NTRK2: variants seen among roughly 807,000 people sequenced by gnomAD.
NTRK2 encodes the protein BDNF/NT-3 growth factors receptor.
NTRK2 carries 13 observed loss-of-function variants against 94.5 expected under a neutral mutation model. The ratio of observed to expected loss-of-function variants is 0.14; its 90% CI spans 0.09 to 0.22. NTRK2 has a LOEUF of 0.22. Among genes scored for constraint, NTRK2 ranks in the 10% least tolerant of loss-of-function variants. The probability of loss-of-function intolerance (pLI) is 1.00; values close to 1 mark genes in which losing one functional copy is unlikely to be tolerated. For synonymous variants in NTRK2, 372 were observed against 407.4 expected, an observed-to-expected ratio of 0.91 and a Z score of 1.05; for missense variants, 639 against 1,071.2, an observed-to-expected ratio of 0.60 and a Z score of 5.63.
At chr9:84,989,935 C>T (rs1156878565) in intron 17 of NTRK2, among the ~76,000 whole-genome samples, 1 of 152,194 alleles carries the variant, frequency 6.6e-6, no homozygotes, top group South Asian at 2.1e-4. Context: ...ACAATTTTAG[C>T]ACATAAAGTT....
At chr9:84,958,593 G>A (rs1460422929) in intron 17 of NTRK2, among the ~76,000 whole-genome samples, 2 of 152,164 alleles carry the variant, frequency 1.3e-5, no homozygotes, top group South Asian at 2.1e-4. Flanking sequence ...CAGTTGTAGG[G>A]TTAGTTTTTG....
At chr9:84,812,492 C>T (rs1341590668) in intron 12 of NTRK2, 37 of 1,048,312 alleles carry the variant, frequency 3.5e-5, no homozygotes, top group South Asian at 4.6e-5. Flanking sequence ...TTCTTGTTCG[C>T]GGCTAAATGA....
At chr9:84,748,947 T>C (rs2064338346) in intron 11 of NTRK2, among the ~76,000 whole-genome samples, 1 of 152,138 alleles carries the variant, frequency 6.6e-6, no homozygotes, top group Admixed American at 6.5e-5. Flanking sequence ...GTTAGATCTG[T>C]ATTGGCTGGG....
chr9:84,872,105 C>G, intron 14 of NTRK2: 2 of 1,322,802 alleles, frequency 1.5e-6, no homozygotes, highest in Non-Finnish European at 1.9e-6. Flanking sequence ...TCAGCAACAT[C>G]AAGTCTGGAG....
Position 84,979,075 on chromosome 9 carries a change from TC to T in NTRK2, c.2172+23559del, listed in dbSNP as rs1286011531. On this transcript the variant is annotated intron_variant, in intron 17 of 18. Transcript: ENST00000277120. ...ATGTACAAGGAGATTCATGTTATTT[TC>T]ATGCCTGCTAACACAACATCCATTC... Among the ~76,000 whole-genome samples the T allele has an allele frequency of 5.9e-5, 9 of 152,226 alleles. No individual in the cohort carries two copies. The South Asian group carries it at 1.9e-3, about 32-fold the overall frequency.
At chr9:84,712,715 A>G (rs929464635) in intron 6 of NTRK2, among the ~76,000 whole-genome samples, 1 of 152,192 alleles carries the variant, frequency 6.6e-6, no homozygotes, top group Non-Finnish European at 1.5e-5. Context: ...TCTTGTTGCA[A>G]AAGTAATTTC....
chr9:84,939,051 CAAAAAA>C (rs138558531), intron 15 of NTRK2, among the ~76,000 whole-genome samples: 4 of 68,438 alleles, frequency 5.8e-5, no homozygotes, highest in Middle Eastern at 0.013. Flanking sequence ...GACCCCAACT[CAAAAAA>C]AAAAAAAAAA....
intron 12 of NTRK2, among the ~76,000 whole-genome samples, chr9:84,763,959 CTG>C (rs777135629): frequency 7.9e-5 from 12 of 152,044 alleles, no homozygotes; most frequent in Non-Finnish European, 1.3e-4. Context: ...CATTCTGTCT[CTG>C]TGTGATTGTT....
At chr9:84,673,244 A>G (rs1047214170) in intron 2 of NTRK2, among the ~76,000 whole-genome samples, 2 of 152,186 alleles carry the variant, frequency 1.3e-5, no homozygotes, top group Admixed American at 6.5e-5. Flanking sequence ...TTTTTGACCT[A>G]AAAATGACAT....
chr9:84,871,011 G>A (rs1587765164), intron 14 of NTRK2, among the ~76,000 whole-genome samples: 1 of 152,116 alleles, frequency 6.6e-6, no homozygotes. Flanking sequence ...TAATAAAGAC[G>A]ATTCATTACA....
At chr9:84,987,820 C>T (rs918519455) in intron 17 of NTRK2, among the ~76,000 whole-genome samples, 2 of 152,108 alleles carry the variant, frequency 1.3e-5, no homozygotes, top group Admixed American at 6.5e-5. Flanking sequence ...TTGTATTTTC[C>T]TTATAATGTT....
At chr9:84,673,997 T>G (rs1015472160) in intron 2 of NTRK2, among the ~76,000 whole-genome samples, 5 of 152,230 alleles carry the variant, frequency 3.3e-5, no homozygotes, top group Admixed American at 6.5e-5. Flanking sequence ...GTTGGAATTA[T>G]GTAACTGGCC....
chr9:84,696,100 C>T (rs999158726), intron 2 of NTRK2, among the ~76,000 whole-genome samples: 1 of 152,210 alleles, frequency 6.6e-6, no homozygotes, highest in South Asian at 2.1e-4. Context: ...GCCTTAACTT[C>T]TTGGACTCAA....
intron 17 of NTRK2, among the ~76,000 whole-genome samples, chr9:84,967,274 A>G (rs1427106778): frequency 6.6e-6 from 1 of 152,186 alleles, no homozygotes; most frequent in Non-Finnish European, 1.5e-5. Flanking sequence ...CCTGCCCCGC[A>G]ACCCCTCTCC....
At chr9:84,856,496 A>C (rs1205333702) in intron 12 of NTRK2, among the ~76,000 whole-genome samples, 1 of 151,986 alleles carries the variant, frequency 6.6e-6, no homozygotes, top group Non-Finnish European at 1.5e-5. Context: ...ATTTTTTCTC[A>C]CTCCAATGAG....
chr9:84,994,626 C>T (rs1165593834), intron 17 of NTRK2, among the ~76,000 whole-genome samples: 1 of 152,176 alleles, frequency 6.6e-6, no homozygotes, highest in East Asian at 1.9e-4. Context: ...TATCCTCCAT[C>T]CTGTCACCAT....
intron 17 of NTRK2, among the ~76,000 whole-genome samples, chr9:84,983,291 A>T (rs994007892): frequency 6.6e-6 from 1 of 152,212 alleles, no homozygotes; most frequent in Non-Finnish European, 1.5e-5. Flanking sequence ...CCACTTAGGC[A>T]CAGGCTCTGT....
intron 17 of NTRK2, among the ~76,000 whole-genome samples, chr9:85,006,183 C>T (rs1830934393): frequency 6.6e-6 from 1 of 152,170 alleles, no homozygotes; most frequent in South Asian, 2.1e-4. Flanking sequence ...AGCTTTTCTT[C>T]TTATCTGTTG....
chr9:84,894,158 CTATTT>C (rs2076684470), intron 14 of NTRK2, among the ~76,000 whole-genome samples: 6 of 150,324 alleles, frequency 4.0e-5, no homozygotes, highest in Non-Finnish European at 4.4e-5. Flanking sequence ...TGTTACTTGA[CTATTT>C]GGGAGAATAT....
Sources: allele counts gnomAD v4.1 joint callset (sites outside exome capture counted in the v4.1 genomes callset), GRCh38; gene constraint gnomAD v4.1.1; transcripts MANE v1.5; gene names NCBI Gene and HGNC (gene_info 2026-07-23, HGNC 2026-07-21).